Variants in WWC2 observed in about 807,000 individuals in gnomAD.
WWC2 encodes the protein protein WWC2.
A neutral mutation model predicts 138.5 loss-of-function variants in WWC2; 101 were observed. That is an observed-to-expected ratio of 0.73 (90% CI 0.62 to 0.86). WWC2 has a LOEUF of 0.86. Ranked by LOEUF, WWC2 falls within the 40% of genes least tolerant of loss-of-function variation. The probability of loss-of-function intolerance (pLI) is 0.00; values close to 1 mark genes in which losing one functional copy is unlikely to be tolerated. For missense variants in WWC2, 1,420 were observed against 1,419.4 expected, an observed-to-expected ratio of 1.00 and a Z score of -0.01; for synonymous variants, 558 against 538.4, an observed-to-expected ratio of 1.04 and a Z score of -0.50.
At chr4:183,280,247 T>G (rs915338347) in intron 16 of WWC2, among the ~76,000 whole-genome samples, 1 of 147,660 alleles carries the variant, frequency 6.8e-6, no homozygotes, top group African/African-American at 2.5e-5. Context: ...TTTTTTTTTT[T>G]TTTTTTTGCT....
intron 21 of WWC2, among the ~76,000 whole-genome samples, chr4:183,300,470 A>T (rs903873899): frequency 6.6e-6 from 1 of 151,840 alleles, no homozygotes; most frequent in African/African-American, 2.4e-5. Context: ...TAAAAGTTAG[A>T]TCTATTTTTA....
chr4:183,169,017 T>G (rs935530434), intron 1 of WWC2, among the ~76,000 whole-genome samples: 42 of 151,690 alleles, frequency 2.8e-4, no homozygotes, highest in African/African-American at 9.4e-4. Context: ...CCCGGCTAAT[T>G]TTCTGTTTTT....
chr4:183,154,896 G>C (rs1194795340), intron 1 of WWC2, among the ~76,000 whole-genome samples: 1 of 152,152 alleles, frequency 6.6e-6, no homozygotes, highest in African/African-American at 2.4e-5. Flanking sequence ...TCAGACCGCA[G>C]ATAACAATCC....
rs149467128 is a variant in WWC2 at position 183,238,660 on chromosome 4, C to A, written c.523-1523C>A. 1.3e-3 allele frequency among the ~76,000 whole-genome samples: 194 copies of A among 152,226 alleles called. 1 individual carries two copies. Among genetic ancestry groups the A allele is most frequent in the African/African-American group, 4.5e-3 (188 of 41,540 alleles). On this transcript the variant is annotated intron_variant, in intron 4 of 22. Transcript: ENST00000403733. ...TGCACAAGCTCTTCCTGTTGAGGAC[C>A]CCTTCTACCAAGTGAGCCCCACTAA...
rs1034438139 is a variant in WWC2, at chr4:183,317,502, C to T, written c.*1773C>T. 2.6e-5 allele frequency: 4 copies of T among 152,604 alleles called. No homozygotes were observed. The highest frequency in any genetic ancestry group is 5.9e-5 in the Non-Finnish European group (4 of 68,018). 9.5% of individuals were successfully genotyped at this position (152,604 alleles called of 1,614,324 possible). A position where few individuals can be genotyped will look rare whatever the true frequency, so the allele number is the denominator to read the frequency against. On this transcript the variant is annotated 3_prime_UTR_variant, in exon 23 of 23. Coordinates refer to ENST00000403733, the MANE Select transcript of WWC2 (RefSeq NM_024949.6). ...GGAAAACTAGAAAAAGAATACAGTT[C>T]ACCCTTGTCAAGGTCAAATGTGAAA... is the stretch of plus-strand genomic sequence containing the variant.
intron 1 of WWC2, among the ~76,000 whole-genome samples, chr4:183,166,895 CTCT>C (rs1225156301): frequency 6.6e-6 from 1 of 152,182 alleles, no homozygotes; most frequent in African/African-American, 2.4e-5. Flanking sequence ...TGAAACAATG[CTCT>C]TCTTGAACTA....
intron 21 of WWC2, among the ~76,000 whole-genome samples, chr4:183,300,733 C>T (rs925390415): frequency 6.6e-5 from 10 of 150,546 alleles, no homozygotes; most frequent in South Asian, 2.1e-4. Flanking sequence ...AAATATCTTC[C>T]GGTGTTCCCT....
At chr4:183,282,948 G>GAT in intron 18 of WWC2, 42 bp downstream of exon 18, 1 of 1,504,456 alleles carries the variant, frequency 6.6e-7, no homozygotes, top group Non-Finnish European at 8.9e-7. Flanking sequence ...ATACCTTACA[G>GAT]GCACCATGTG....
chr4:183,187,313 G>C (rs1734836356), intron 1 of WWC2, among the ~76,000 whole-genome samples: 1 of 152,026 alleles, frequency 6.6e-6, no homozygotes, highest in Non-Finnish European at 1.5e-5. Flanking sequence ...CAGCACTTTG[G>C]GAGGCCGAGG....
chr4:183,217,228 T>C (rs910936349), intron 4 of WWC2, among the ~76,000 whole-genome samples: 2 of 152,160 alleles, frequency 1.3e-5, no homozygotes, highest in Non-Finnish European at 2.9e-5. Flanking sequence ...GTCAGAATTT[T>C]TCATGTGTAT....
At chr4:183,148,267 T>C (rs1733522328) in intron 1 of WWC2, among the ~76,000 whole-genome samples, 1 of 152,210 alleles carries the variant, frequency 6.6e-6, no homozygotes, top group South Asian at 2.1e-4. Context: ...CTGGTGATGA[T>C]ATTATTCCTT....
At chr4:183,273,482 T>A (rs1737759927) in intron 16 of WWC2, among the ~76,000 whole-genome samples, 2 of 152,112 alleles carry the variant, frequency 1.3e-5, no homozygotes, top group Admixed American at 6.5e-5. Flanking sequence ...TTTTGTATTT[T>A]TAGTAGAGAC....
intron 16 of WWC2, among the ~76,000 whole-genome samples, chr4:183,274,408 A>G (rs939389092): frequency 6.6e-6 from 1 of 152,168 alleles, no homozygotes; most frequent in Non-Finnish European, 1.5e-5. Context: ...ATAATATTTC[A>G]TAGTTTTCAG....
At chr4:183,126,198 T>C (rs1732752641) in intron 1 of WWC2, among the ~76,000 whole-genome samples, 1 of 152,210 alleles carries the variant, frequency 6.6e-6, no homozygotes, top group Non-Finnish European at 1.5e-5. Flanking sequence ...GCCTTGTTCA[T>C]TGGGGTATTC....
intron 21 of WWC2, among the ~76,000 whole-genome samples, chr4:183,292,161 G>A (rs372542094): frequency 1.3e-4 from 20 of 152,168 alleles, no homozygotes; most frequent in East Asian, 5.8e-4. Flanking sequence ...GCACCACTGC[G>A]TTCCAGCTTA....
In WWC2 at chr4:183,316,589, A is replaced by G. The variant is rs540320309; in HGVS notation, c.*860A>G. On this transcript the variant is annotated 3_prime_UTR_variant, in exon 23 of 23. Transcript: ENST00000403733. ...CTAGTGTTTTGCCCTAAATCTAAGG[A>G]TGGTGCCTAGTGGTGGCCCTGTGTT... The G allele has an allele frequency of 6.6e-6, 1 of 152,346 alleles. No individual in the cohort carries two copies. Among genetic ancestry groups the G allele is most frequent in the East Asian group, 1.9e-4 (1 of 5,172 alleles). 9.4% of individuals were successfully genotyped at this position (152,346 alleles called of 1,614,324 possible).
chr4:183,265,348 T>G (rs1454061659), intron 12 of WWC2, among the ~76,000 whole-genome samples: 1 of 152,212 alleles, frequency 6.6e-6, no homozygotes, highest in Non-Finnish European at 1.5e-5. Flanking sequence ...TTTAAAAACC[T>G]TGAATTTAGT....
intron 14 of WWC2, among the ~76,000 whole-genome samples, chr4:183,268,581 G>C (rs1404900763): frequency 1.3e-5 from 2 of 152,166 alleles, no homozygotes; most frequent in Non-Finnish European, 2.9e-5. Context: ...GTGAGATAAA[G>C]TCACCAGTAT....
At chr4:183,119,995 C>T (rs1014775806) in intron 1 of WWC2, among the ~76,000 whole-genome samples, 3 of 151,982 alleles carry the variant, frequency 2.0e-5, no homozygotes, top group African/African-American at 4.8e-5. Context: ...TTTTAAAAAC[C>T]CACAACGGAA....
Sources: gnomAD v4.1 joint callset for allele counts (sites outside exome capture counted in the v4.1 genomes callset) on GRCh38, gnomAD v4.1.1 for gene constraint, MANE v1.5 for transcripts, NCBI Gene and HGNC (gene_info 2026-07-23, HGNC 2026-07-21) for gene names.